CERS3: variants seen among roughly 807,000 people sequenced by gnomAD.
The protein encoded by CERS3 is ceramide synthase 3.
A neutral mutation model predicts 50.3 loss-of-function variants in CERS3; 33 were observed. The observed-to-expected ratio is 0.66, with a 90% CI of 0.50 to 0.88. The LOEUF (loss-of-function observed/expected upper bound fraction) is 0.88. Ranked by LOEUF, CERS3 falls within the 40% of genes least tolerant of loss-of-function variation. The probability of loss-of-function intolerance (pLI) is 0.00; values close to 1 mark genes in which losing one functional copy is unlikely to be tolerated. For synonymous variants in CERS3, 176 were observed against 155.2 expected (o/e 1.13, Z -0.99); for missense variants, 470 against 460.3 (o/e 1.02, Z -0.19).
intron 11 of CERS3, among the ~76,000 whole-genome samples, chr15:100,421,171 T>C (rs144114384): frequency 0.57 from 86,211 of 151,072 alleles, 24,962 homozygotes; most frequent in Middle Eastern, 0.61. Context: ...CATGATTGTA[T>C]ATCTAGAAAA....
chr15:100,406,214 C>T (rs895622492), intron 11 of CERS3, among the ~76,000 whole-genome samples: 1 of 152,004 alleles, frequency 6.6e-6, no homozygotes, highest in African/African-American at 2.4e-5. Flanking sequence ...TAGACATGAC[C>T]CCAGGATCAC....
At chr15:100,442,553 G>A (rs2033726360) in intron 11 of CERS3, among the ~76,000 whole-genome samples, 2 of 152,294 alleles carry the variant, frequency 1.3e-5, no homozygotes, top group East Asian at 3.9e-4. Context: ...TCCCCCAGGA[G>A]CTTGCTACAA....
At chr15:100,543,756 T>C (rs1255556643) in intron 1 of CERS3, among the ~76,000 whole-genome samples, 9 of 152,222 alleles carry the variant, frequency 5.9e-5, no homozygotes, top group African/African-American at 2.2e-4. Context: ...TTTCAAACTC[T>C]TGACCTCTGG....
At chr15:100,459,373 A>C (rs144890699) in intron 10 of CERS3, among the ~76,000 whole-genome samples, 212 of 152,210 alleles carry the variant, frequency 1.4e-3, no homozygotes, top group African/African-American at 4.8e-3. Flanking sequence ...ACAGCTTACT[A>C]TAGCCTCTAC....
intron 11 of CERS3, among the ~76,000 whole-genome samples, chr15:100,405,674 T>C (rs993225319): frequency 6.6e-6 from 1 of 152,226 alleles, no homozygotes; most frequent in Admixed American, 6.5e-5. Context: ...AACAGGTAAG[T>C]GGTTGCTGGA....
At chr15:100,430,200 T>G (rs1596646236) in intron 11 of CERS3, among the ~76,000 whole-genome samples, 1 of 151,428 alleles carries the variant, frequency 6.6e-6, no homozygotes, top group African/African-American at 2.4e-5. Context: ...TAGTCCCAGG[T>G]ACTCGGGAGG....
chr15:100,437,422 G>A (rs906158002), intron 11 of CERS3, among the ~76,000 whole-genome samples: 4 of 152,088 alleles, frequency 2.6e-5, no homozygotes, highest in African/African-American at 2.4e-5. Flanking sequence ...TGACATCTAC[G>A]AGGATGTGTC....
intron 2 of CERS3, among the ~76,000 whole-genome samples, chr15:100,502,912 T>C (rs554637854): frequency 6.6e-6 from 1 of 152,236 alleles, no homozygotes; most frequent in Non-Finnish European, 1.5e-5. Flanking sequence ...GTCCTTGAGA[T>C]ATCTTGAACA....
rs2031843963 is a variant in CERS3, at chr15:100,415,675, C to G, written c.1000-12810G>C. Reference sequence around the variant, plus strand: ...TGAAGCTGGAAGCCATCATCCTCAGCAAACTAACACAGGAACAGAAAACCA... The same window carrying G: ...TGAAGCTGGAAGCCATCATCCTCAGGAAACTAACACAGGAACAGAAAACCA... On this transcript the variant is annotated intron_variant, in intron 11 of 11. Coordinates refer to ENST00000679737, the MANE Select transcript of CERS3 (RefSeq NM_001378789.1). Among the ~76,000 whole-genome samples the G allele has an allele frequency of 3.3e-5, 5 of 152,230 alleles. No homozygotes were observed. The South Asian group carries it at 1.0e-3, about 32-fold the overall frequency.
In CERS3 at chr15:100,483,778, A is replaced by ATTTTT. The variant is rs1300648690; in HGVS notation, c.407+771_407+772insAAAAA. ...AGAAGGATCAATAATAATAATAATT[A>ATTTTT]TTATTATTATTTTTTTTTTTGAGAC... On this transcript the variant is annotated intron_variant, in intron 5 of 11. Coordinates refer to ENST00000679737, the MANE Select transcript of CERS3 (RefSeq NM_001378789.1). Among the ~76,000 whole-genome samples the ATTTTT allele has an allele frequency of 2.6e-3, 152 of 59,100 alleles. 7 individuals are homozygous for ATTTTT. Among genetic ancestry groups the ATTTTT allele is most frequent in the South Asian group, 3.6e-3 (4 of 1,122 alleles). 38.8% of individuals were successfully genotyped at this position (59,100 alleles called of 152,430 possible). A position where few individuals can be genotyped will look rare whatever the true frequency, so the allele number is the denominator to read the frequency against.
chr15:100,543,490 C>CCTTT (rs2037251578), intron 1 of CERS3, among the ~76,000 whole-genome samples: 1 of 146,726 alleles, frequency 6.8e-6, no homozygotes, highest in African/African-American at 2.7e-5. Flanking sequence ...AGGCTTCCTT[C>CCTTT]CTTCCTTCCT....
rs1446891401 is a variant in CERS3, at chr15:100,469,561, A to G, written c.739-77T>C. 5 of 1,043,464 alleles carry G rather than the reference A, an allele frequency of 4.8e-6. No homozygotes were observed. The Admixed American group carries it at 6.5e-5, about 14-fold the overall frequency. 64.6% of individuals were successfully genotyped at this position (1,043,464 alleles called of 1,614,324 possible). ...AAGTTAAATTTATAAATGAAATGAT[A>G]TGAGGTCTGGGATTTGCTTCAAAAC... On this transcript the variant is annotated intron_variant, in intron 9 of 11. Coordinates refer to ENST00000679737, the MANE Select transcript of CERS3 (RefSeq NM_001378789.1).
chr15:100,507,800 A>G (rs1320453503), intron 2 of CERS3, among the ~76,000 whole-genome samples: 3 of 152,196 alleles, frequency 2.0e-5, no homozygotes, highest in African/African-American at 7.2e-5. Flanking sequence ...AATGCTATCC[A>G]GCAGCAGCAG....
chr15:100,459,148 C>A (rs1170391274), intron 10 of CERS3, among the ~76,000 whole-genome samples: 1 of 152,202 alleles, frequency 6.6e-6, no homozygotes, highest in Admixed American at 6.5e-5. Context: ...CATAGCCTGC[C>A]AACCCCTACT....
intron 3 of CERS3, among the ~76,000 whole-genome samples, chr15:100,500,851 A>T (rs1042274090): frequency 3.3e-5 from 5 of 152,216 alleles, no homozygotes; most frequent in African/African-American, 1.2e-4. Flanking sequence ...AAATGTTTAT[A>T]AACATATGAT....
At chr15:100,473,110 G>A (rs2035021668) in intron 8 of CERS3, 58 bp from the exon 9 acceptor site, 2 of 1,525,938 alleles carry the variant, frequency 1.3e-6, no homozygotes, top group African/African-American at 2.8e-5. Context: ...CCCAATCACT[G>A]GAAGAGATAA....
intron 2 of CERS3, among the ~76,000 whole-genome samples, chr15:100,513,367 T>C (rs2142365080): frequency 6.6e-6 from 1 of 152,268 alleles, no homozygotes; most frequent in African/African-American, 2.4e-5. Context: ...GTCTTCCCTC[T>C]CCCTGCACTC....
intron 2 of CERS3, among the ~76,000 whole-genome samples, chr15:100,508,460 C>T (rs541006166): frequency 6.6e-6 from 1 of 152,298 alleles, no homozygotes; most frequent in South Asian, 2.1e-4. Context: ...CATCGCAATA[C>T]TTCAACAATA....
At chr15:100,417,666 G>C (rs1180550802) in intron 11 of CERS3, among the ~76,000 whole-genome samples, 1 of 152,068 alleles carries the variant, frequency 6.6e-6, no homozygotes, top group Non-Finnish European at 1.5e-5. Flanking sequence ...AACCTCTGCA[G>C]ACTTAAATGT....
Sources: gnomAD v4.1 joint callset for allele counts (sites outside exome capture counted in the v4.1 genomes callset) on GRCh38, gnomAD v4.1.1 for gene constraint, MANE v1.5 for transcripts, NCBI Gene and HGNC (gene_info 2026-07-23, HGNC 2026-07-21) for gene names.